FAM184A: variants seen among roughly 807,000 people sequenced by gnomAD.
The protein encoded by FAM184A is protein FAM184A.
In FAM184A, 99 loss-of-function variants were observed where a neutral mutation model predicts 143.8. The ratio of observed to expected loss-of-function variants is 0.69; its 90% CI spans 0.58 to 0.81. FAM184A has a LOEUF of 0.81. Among genes scored for constraint, FAM184A ranks in the 40% least tolerant of loss-of-function variants. The pLI, the probability that FAM184A is intolerant of heterozygous loss-of-function variation, is 0.00. For missense variants in FAM184A, 1,217 were observed against 1,310.5 expected (o/e 0.93, Z 1.10); for synonymous variants, 427 against 446.4 (o/e 0.96, Z 0.55).
intron 5 of FAM184A, among the ~76,000 whole-genome samples, chr6:119,013,748 G>A (rs1785159199): frequency 6.6e-6 from 1 of 152,192 alleles, no homozygotes; most frequent in Non-Finnish European, 1.5e-5. Context: ...TTTAAATTAA[G>A]TTTAGGTCTT....
rs766414096 is a variant in FAM184A, at chr6:119,122,924, G to GAAAA, written c.-202+26150_-202+26153dup. On this transcript the variant is annotated intron_variant, in intron 1 of 16. Transcript: ENST00000352896. ...TGAGCAACGGAGGAAGACCCTGTCT[G>GAAAA]AAAAAAAAAAAAAAAAAAAAAAAAA... 2.4e-4 allele frequency among the ~76,000 whole-genome samples: 7 copies of GAAAA among 29,030 alleles called. 2 individuals are homozygous for GAAAA. Among genetic ancestry groups the GAAAA allele is most frequent in the Non-Finnish European group, 4.2e-4 (7 of 16,586 alleles). The allele number at this position is 29,030 out of a possible 152,430, so 19.0% of individuals were successfully genotyped here.
intron 1 of FAM184A, among the ~76,000 whole-genome samples, chr6:119,085,024 A>T (rs1349712216): frequency 6.6e-6 from 1 of 152,150 alleles, no homozygotes; most frequent in Non-Finnish European, 1.5e-5. Flanking sequence ...GTGATGGGAG[A>T]GGTTACCTTC....
rs116644181 is a variant in FAM184A, at chr6:119,020,661, G to T, written c.1151-502C>A. Among the ~76,000 whole-genome samples the T allele has an allele frequency of 3.3e-3, 506 of 152,318 alleles. 5 individuals carry two copies. The highest frequency in any genetic ancestry group is 0.012 in the African/African-American group (494 of 41,568). ...AACAAAGATGGCAGATAGCAGTTTG[G>T]TTGAAATTGAATTTGTTTCAGGCAA... On this transcript the variant is annotated intron_variant, in intron 3 of 17. Coordinates refer to ENST00000338891, the MANE Select transcript of FAM184A (RefSeq NM_024581.6).
At chr6:119,136,691 A>C (rs1343324578) in intron 1 of FAM184A, among the ~76,000 whole-genome samples, 2 of 152,240 alleles carry the variant, frequency 1.3e-5, no homozygotes, top group African/African-American at 4.8e-5. Flanking sequence ...TTGTTCCTAG[A>C]TACTATCATG....
chr6:119,128,833 A>T (rs1297542015), intron 1 of FAM184A, among the ~76,000 whole-genome samples: 1 of 151,920 alleles, frequency 6.6e-6, no homozygotes, highest in Non-Finnish European at 1.5e-5. Flanking sequence ...TCTCCTGTGG[A>T]TGGGGGAGGG....
At chr6:119,139,080 G>T (rs1435784442) in intron 1 of FAM184A, among the ~76,000 whole-genome samples, 1 of 152,162 alleles carries the variant, frequency 6.6e-6, no homozygotes, top group African/African-American at 2.4e-5. Context: ...CCAGGACGTG[G>T]ACCTCTCTGG....
At chr6:119,017,314 C>T (rs934401905) in intron 4 of FAM184A, among the ~76,000 whole-genome samples, 7 of 151,968 alleles carry the variant, frequency 4.6e-5, no homozygotes, top group African/African-American at 9.7e-5. Flanking sequence ...CTGGCTAACA[C>T]GGTGAAACCC....
intron 1 of FAM184A, among the ~76,000 whole-genome samples, chr6:119,097,964 A>G (rs764060868): frequency 3.3e-5 from 5 of 152,216 alleles, no homozygotes; most frequent in Admixed American, 6.5e-5. Flanking sequence ...CACCGGATGC[A>G]GTAAGGCCGA....
At chr6:119,077,809 C>G (rs1335018136) in intron 1 of FAM184A, among the ~76,000 whole-genome samples, 1 of 152,174 alleles carries the variant, frequency 6.6e-6, no homozygotes, top group African/African-American at 2.4e-5. Flanking sequence ...CTCGTGGAGC[C>G]CTGGCAGATG....
At chr6:119,146,396 ACGTGTGTGTGTGTGTG>A (rs1267639612) in intron 1 of FAM184A, among the ~76,000 whole-genome samples, 4 of 95,328 alleles carry the variant, frequency 4.2e-5, no homozygotes, top group African/African-American at 1.7e-4. Context: ...CGATTAACTT[ACGTGTGTGTGTGTGTG>A]TGTGTGTGTG....
At chr6:119,117,059 A>G (rs1301878841) in intron 1 of FAM184A, among the ~76,000 whole-genome samples, 4 of 152,208 alleles carry the variant, frequency 2.6e-5, no homozygotes, top group Non-Finnish European at 4.4e-5. Flanking sequence ...TTGGTGAGTG[A>G]CCAAGTAGAA....
In FAM184A at chr6:118,975,180, T is replaced by C. The variant is rs1394637703; in HGVS notation, c.2612A>G (p.Asp871Gly). 2 of 1,606,872 alleles carry C rather than the reference T, an allele frequency of 1.2e-6. No individual in the cohort carries two copies. ...TCTGTGTCTTAATTCCTCTTGTAGA[T>C]CTGTAATTCTACATATGTGCTCCTT... ...QSKEHICRITDLQEELRHREH... is the reference protein window; with the variant it reads ...QSKEHICRITGLQEELRHREH... The change falls in exon 13 of 18, where the codon GAT (aspartate) becomes GGT (glycine). Residue 871 changes from aspartate to glycine, a missense_variant. By Grantham distance (94) the Asp-to-Gly change is moderately conservative. Transcript: ENST00000338891.
At chr6:119,072,574 C>T (rs1787729905) in intron 1 of FAM184A, among the ~76,000 whole-genome samples, 1 of 152,120 alleles carries the variant, frequency 6.6e-6, no homozygotes, top group African/African-American at 2.4e-5. Flanking sequence ...GAAAAATTCA[C>T]TGGTTTTGGT....
In FAM184A at chr6:119,054,283, T is replaced by C. The variant is rs537611329; in HGVS notation, c.159+23858A>G. Among the ~76,000 whole-genome samples, 22 of 152,348 alleles carry C rather than the reference T, an allele frequency of 1.4e-4. No homozygotes were observed. In the South Asian group the frequency reaches 3.9e-3, roughly 27 times the overall value. On this transcript the variant is annotated intron_variant, in intron 1 of 17. Coordinates refer to ENST00000338891, the MANE Select transcript of FAM184A (RefSeq NM_024581.6). Reference sequence around the variant, plus strand: ...TATATACAATAATTCAGAATTGTTTTAGTCTGTTTGGGCTGCTATAACAAA... The same window carrying C: ...TATATACAATAATTCAGAATTGTTTCAGTCTGTTTGGGCTGCTATAACAAA...
In FAM184A at chr6:118,959,771, C is replaced by A; in HGVS notation, c.*332G>T. On this transcript the variant is annotated 3_prime_UTR_variant, in exon 18 of 18. Coordinates refer to ENST00000338891, the MANE Select transcript of FAM184A (RefSeq NM_024581.6). ...CAGTAAAACTTGTTGACAAGTCTTA[C>A]CTGGAATTAAAAAATATTTAAAAAT... The A allele has an allele frequency of 6.1e-6, 1 of 163,438 alleles. No homozygotes were observed. Among genetic ancestry groups the A allele is most frequent in the African/African-American group, 2.4e-5 (1 of 41,660 alleles). The allele number at this position is 163,438 out of a possible 1,614,324, so 10.1% of individuals were successfully genotyped here. A position where few individuals can be genotyped will look rare whatever the true frequency, so the allele number is the denominator to read the frequency against.
intron 7 of FAM184A, 58 bp downstream of exon 7, chr6:119,006,389 G>A: frequency 6.5e-7 from 1 of 1,544,788 alleles, no homozygotes; most frequent in Admixed American, 1.8e-5. Context: ...TAGGTCAAAT[G>A]GCTAAATTCT....
At chr6:119,085,611 A>C (rs1788198590) in intron 1 of FAM184A, among the ~76,000 whole-genome samples, 1 of 152,188 alleles carries the variant, frequency 6.6e-6, no homozygotes, top group South Asian at 2.1e-4. Context: ...CTAGTTCCAA[A>C]GTCACTTCCA....
At chr6:118,967,046 C>T in intron 14 of FAM184A, 94 bp from the exon 15 acceptor site, 1 of 597,158 alleles carries the variant, frequency 1.7e-6, no homozygotes, top group Admixed American at 2.9e-5. Flanking sequence ...TGAACACACA[C>T]AAAAATCTGA....
At chr6:119,136,969 A>T (rs532324232) in intron 1 of FAM184A, among the ~76,000 whole-genome samples, 9 of 152,360 alleles carry the variant, frequency 5.9e-5, no homozygotes, top group Non-Finnish European at 1.2e-4. Flanking sequence ...GCAGATAGCT[A>T]CTATAACCTC....
Sources: gnomAD v4.1 joint callset for allele counts (sites outside exome capture counted in the v4.1 genomes callset) on GRCh38, gnomAD v4.1.1 for gene constraint, MANE v1.5 for transcripts, NCBI Gene and HGNC (gene_info 2026-07-23, HGNC 2026-07-21) for gene names.